The following FCHSD2 variants were observed in gnomAD, a reference collection of about 807,000 sequenced individuals.
FCHSD2 encodes the protein FCH and double SH3 domains 2, also known as F-BAR and double SH3 domains protein 2.
In FCHSD2, 38 loss-of-function variants were observed where a neutral mutation model predicts 108.1. That is an observed-to-expected ratio of 0.35 (90% CI 0.27 to 0.46). The LOEUF is 0.46. FCHSD2 is among the 20% of genes least tolerant of loss of function. The pLI, the probability that FCHSD2 is intolerant of heterozygous loss-of-function variation, is 1.00. For synonymous variants in FCHSD2, 279 were observed against 314.7 expected, an observed-to-expected ratio of 0.89 and a Z score of 1.20; for missense variants, 751 against 897.8, an observed-to-expected ratio of 0.84 and a Z score of 2.09.
intron 12 of FCHSD2, among the ~76,000 whole-genome samples, chr11:72,873,618 C>A (rs1854908961): frequency 6.6e-6 from 1 of 152,058 alleles, no homozygotes; most frequent in African/African-American, 2.4e-5. Context: ...TCTTTTGCTG[C>A]TTAGGCTTTG....
intron 7 of FCHSD2, 40 bp downstream of exon 7, chr11:72,985,022 G>C (rs1237370214): frequency 1.2e-6 from 1 of 808,252 alleles, no homozygotes; most frequent in South Asian, 1.5e-5. Flanking sequence ...TACAAGCTAA[G>C]AGGTTTCTCA....
intron 2 of FCHSD2, among the ~76,000 whole-genome samples, chr11:73,089,501 A>G (rs894983665): frequency 6.6e-6 from 1 of 152,228 alleles, no homozygotes; most frequent in African/African-American, 2.4e-5. Context: ...CAGCAGCATT[A>G]TTCATAATAT....
At chr11:72,932,260 C>T (rs905662402) in intron 8 of FCHSD2, among the ~76,000 whole-genome samples, 1 of 152,206 alleles carries the variant, frequency 6.6e-6, no homozygotes, top group African/African-American at 2.4e-5. Context: ...CAGATTATTG[C>T]AGCAATCTTC....
At chr11:72,984,284 ACT>A in intron 7 of FCHSD2, 68 bp from the exon 8 acceptor site, 1 of 1,495,054 alleles carries the variant, frequency 6.7e-7, no homozygotes, top group East Asian at 2.3e-5. Context: ...TAGGAATCCT[ACT>A]CTTAGTTTGC....
At chr11:73,018,513 TTG>T (rs1858023305) in intron 3 of FCHSD2, among the ~76,000 whole-genome samples, 4 of 145,930 alleles carry the variant, frequency 2.7e-5, no homozygotes, top group South Asian at 4.3e-4. Context: ...GGTACAGATC[TTG>T]TCTTTTTTTT....
At chr11:72,985,357 C>CA (rs35241897) in intron 6 of FCHSD2, among the ~76,000 whole-genome samples, 1,997 of 47,186 alleles carry the variant, frequency 0.042, 29 homozygotes, top group Middle Eastern at 0.11. Context: ...CCAGAATGAC[C>CA]AAAAAAAAAA....
chr11:72,872,262 G>A (rs1278083004), intron 12 of FCHSD2, among the ~76,000 whole-genome samples: 1 of 142,278 alleles, frequency 7.0e-6, no homozygotes, highest in Non-Finnish European at 1.5e-5. Context: ...AAGACCTTTT[G>A]GCACACAACT....
At chr11:73,031,492 G>C (rs1015269631) in intron 3 of FCHSD2, among the ~76,000 whole-genome samples, 2 of 152,054 alleles carry the variant, frequency 1.3e-5, no homozygotes, top group Admixed American at 1.3e-4. Context: ...GAGAGACAGA[G>C]AGAGAATAAA....
At position 72,909,245 on chromosome 11, in the gene FCHSD2, C is replaced by T. The variant is rs527692452; in HGVS notation, c.829-6607G>A. Among the ~76,000 whole-genome samples the T allele has an allele frequency of 1.9e-4, 29 of 152,230 alleles. No homozygotes were observed. In the East Asian group the frequency reaches 4.1e-3, roughly 21 times the overall value. On this transcript the variant is annotated intron_variant, in intron 9 of 19. Transcript: ENST00000409418. Reference sequence around the variant, plus strand: ...GGAGACGGGGTTTCGCCCTGTTGACCGGGCTGGTCTCCAGCTCTTGACCTC... The same window carrying T: ...GGAGACGGGGTTTCGCCCTGTTGACTGGGCTGGTCTCCAGCTCTTGACCTC...
chr11:73,126,957 G>C (rs1860873846), intron 2 of FCHSD2, among the ~76,000 whole-genome samples: 1 of 152,186 alleles, frequency 6.6e-6, no homozygotes, highest in South Asian at 2.1e-4. Context: ...AGAATTGCTG[G>C]AACACGGGAG....
At chr11:72,861,714 G>A (rs1445418449) in intron 13 of FCHSD2, among the ~76,000 whole-genome samples, 1 of 152,096 alleles carries the variant, frequency 6.6e-6, no homozygotes, top group Non-Finnish European at 1.5e-5. Context: ...TGGAGCAACT[G>A]AGGTCGGGAG....
intron 3 of FCHSD2, among the ~76,000 whole-genome samples, chr11:73,057,553 G>GA (rs1859056282): frequency 6.6e-6 from 1 of 152,116 alleles, no homozygotes; most frequent in African/African-American, 2.4e-5. Flanking sequence ...GGAAGGGAGG[G>GA]AGGGAGGAGA....
intron 8 of FCHSD2, among the ~76,000 whole-genome samples, chr11:72,938,097 C>T (rs1398186678): frequency 1.3e-5 from 2 of 151,580 alleles, no homozygotes; most frequent in East Asian, 3.9e-4. Context: ...CCCTCAATGG[C>T]AGAATTTAGT....
intron 3 of FCHSD2, among the ~76,000 whole-genome samples, chr11:73,063,145 A>G (rs1221913441): frequency 1.3e-5 from 2 of 152,230 alleles, no homozygotes; most frequent in Non-Finnish European, 2.9e-5. Flanking sequence ...AACATTCTTA[A>G]AGAAAAGAAT....
At chr11:72,876,589 G>C (rs1163803641) in intron 12 of FCHSD2, among the ~76,000 whole-genome samples, 2 of 152,196 alleles carry the variant, frequency 1.3e-5, no homozygotes, top group East Asian at 1.9e-4. Context: ...TTATGGTCCA[G>C]TGTATGGTCT....
chr11:72,843,636 G>T, intron 14 of FCHSD2, 104 bp from the exon 15 acceptor site: 1 of 756,178 alleles, frequency 1.3e-6, no homozygotes, highest in Non-Finnish European at 2.3e-6. Context: ...AAATGATTTT[G>T]AGAAACATGT....
intron 3 of FCHSD2, among the ~76,000 whole-genome samples, chr11:73,017,397 G>T (rs1472927399): frequency 6.6e-6 from 1 of 152,108 alleles, no homozygotes; most frequent in African/African-American, 2.4e-5. Context: ...TAACTAAAAA[G>T]AACACAATGC....
intron 3 of FCHSD2, among the ~76,000 whole-genome samples, chr11:73,043,319 T>G (rs893545301): frequency 6.6e-6 from 1 of 152,226 alleles, no homozygotes; most frequent in Non-Finnish European, 1.5e-5. Context: ...GGTCAAGTAG[T>G]GAAGATAAAT....
intron 3 of FCHSD2, among the ~76,000 whole-genome samples, chr11:73,031,052 T>C (rs1224873348): frequency 6.6e-6 from 1 of 152,112 alleles, no homozygotes; most frequent in East Asian, 1.9e-4. Flanking sequence ...GATCCTGCTA[T>C]TTGTCACAAC....
Sources: allele counts gnomAD v4.1 joint callset (sites outside exome capture counted in the v4.1 genomes callset), GRCh38; gene constraint gnomAD v4.1.1; transcripts MANE v1.5; gene names NCBI Gene and HGNC (gene_info 2026-07-23, HGNC 2026-07-21).